SUCLG2: variants seen among roughly 807,000 people sequenced by gnomAD.
The protein encoded by SUCLG2 is succinate--CoA ligase [GDP-forming] subunit beta, mitochondrial.
Under a neutral mutation model 47.9 loss-of-function variants are expected in SUCLG2, and 42 were observed. The observed-to-expected ratio is 0.88, with a 90% CI of 0.69 to 1.14. The LOEUF (loss-of-function observed/expected upper bound fraction) is 1.14. SUCLG2 is among the 50% of genes most tolerant of loss of function. The pLI is 0.00. For synonymous variants in SUCLG2, 195 were observed against 197.3 expected (o/e 0.99, Z 0.10); for missense variants, 571 against 525.9 (o/e 1.09, Z -0.84).
intron 9 of SUCLG2, among the ~76,000 whole-genome samples, chr3:67,432,961 A>G (rs1431008395): frequency 6.6e-6 from 1 of 152,328 alleles, no homozygotes; most frequent in East Asian, 1.9e-4. Flanking sequence ...TTGAAGGAAT[A>G]ACTAATTTCT....
intron 1 of SUCLG2, among the ~76,000 whole-genome samples, chr3:67,631,095 G>C (rs1700917789): frequency 6.6e-6 from 1 of 152,148 alleles, no homozygotes; most frequent in Admixed American, 6.5e-5. Context: ...TCTTACAACA[G>C]CACTGAGAGT....
chr3:67,385,321 C>T (rs1702237114), intron 10 of SUCLG2, among the ~76,000 whole-genome samples: 1 of 152,224 alleles, frequency 6.6e-6, no homozygotes, highest in Non-Finnish European at 1.5e-5. Flanking sequence ...TGACCACTGC[C>T]TAGAGTGGGG....
At chr3:67,471,262 T>TGCC (rs1339795283) in intron 9 of SUCLG2, among the ~76,000 whole-genome samples, 1 of 152,180 alleles carries the variant, frequency 6.6e-6, no homozygotes, top group East Asian at 1.9e-4. Context: ...ATTATGAGGC[T>TGCC]GCCACACAAG....
intron 9 of SUCLG2, among the ~76,000 whole-genome samples, chr3:67,430,273 A>T (rs1703440121): frequency 6.6e-6 from 1 of 152,196 alleles, no homozygotes; most frequent in Non-Finnish European, 1.5e-5. Context: ...GTGCAATCAA[A>T]CTAGAACTCA....
chr3:67,626,009 T>A (rs1428308538), intron 1 of SUCLG2, among the ~76,000 whole-genome samples: 4 of 146,486 alleles, frequency 2.7e-5, no homozygotes, highest in African/African-American at 1.0e-4. Context: ...AGTAGCTACA[T>A]ATATATATAT....
intron 9 of SUCLG2, among the ~76,000 whole-genome samples, chr3:67,488,314 G>C (rs750706808): frequency 6.6e-6 from 1 of 152,064 alleles, no homozygotes; most frequent in African/African-American, 2.4e-5. Context: ...CATGTTGCTC[G>C]TTTAGGAATG....
chr3:67,416,087 T>C (rs2106847539), intron 9 of SUCLG2, among the ~76,000 whole-genome samples: 1 of 152,298 alleles, frequency 6.6e-6, no homozygotes, highest in South Asian at 2.1e-4. Context: ...CCCCAGTCAA[T>C]CAAGTCTTGA....
exon 11 of SUCLG2, chr3:67,360,674 G>A (rs1287439820): frequency 1.3e-6 from 2 of 1,521,476 alleles, no homozygotes; most frequent in East Asian, 2.5e-5. Context: ...GATTTTGGTG[G>A]GCGACGTTCT....
chr3:67,473,765 C>T (rs530535495), intron 9 of SUCLG2, among the ~76,000 whole-genome samples: 3 of 152,218 alleles, frequency 2.0e-5, no homozygotes, highest in South Asian at 2.1e-4. Context: ...CCAAGTGCAG[C>T]GATAAAGGTA....
intron 10 of SUCLG2, among the ~76,000 whole-genome samples, chr3:67,396,257 A>G (rs1289645740): frequency 6.6e-6 from 1 of 152,140 alleles, no homozygotes; most frequent in African/African-American, 2.4e-5. Flanking sequence ...AGGATCAACA[A>G]AATTGATAGA....
intron 9 of SUCLG2, among the ~76,000 whole-genome samples, chr3:67,440,886 A>G (rs1575697391): frequency 6.6e-6 from 1 of 152,300 alleles, no homozygotes; most frequent in East Asian, 1.9e-4. Flanking sequence ...GGGTATATAG[A>G]CAAAGGATTA....
intron 9 of SUCLG2, among the ~76,000 whole-genome samples, chr3:67,482,474 AT>A (rs67558621): frequency 0.75 from 114,579 of 151,934 alleles, 43,354 homozygotes; most frequent in Admixed American, 0.84. Flanking sequence ...ATACTTTTGT[AT>A]TTTTTTACTT....
chr3:67,394,125 C>G (rs1270920885), intron 10 of SUCLG2, among the ~76,000 whole-genome samples: 2 of 152,132 alleles, frequency 1.3e-5, no homozygotes, highest in Admixed American at 1.3e-4. Context: ...CTCTCCTCCT[C>G]CAAAGGAATG....
Position 67,495,794 on chromosome 3 carries a change from TTACC to T in SUCLG2, c.1062_1062+3del. Reference sequence around the variant, plus strand: ...TATAATCTCCCTACAAAGAGAAAGGTTACCTTAGGATCAGCTGTGAGCAATTTGA... The same window carrying T: ...TATAATCTCCCTACAAAGAGAAAGGTTTAGGATCAGCTGTGAGCAATTTGA... On this transcript the variant is annotated splice_donor_variant and splice_donor_region_variant and coding_sequence_variant and intron_variant, in exon 9 of 11. Transcript: ENST00000307227. LOFTEE classifies it high-confidence loss of function. The T allele has an allele frequency of 6.2e-7, 1 of 1,613,348 alleles. No homozygotes were observed. The highest frequency in any genetic ancestry group is 8.5e-7 in the Non-Finnish European group (1 of 1,179,910).
At chr3:67,376,025 T>G (rs1177854954) in intron 10 of SUCLG2, 166 bp from the exon 11 acceptor site, 3 of 985,324 alleles carry the variant, frequency 3.0e-6, no homozygotes, top group Non-Finnish European at 3.6e-6. Context: ...GTGATGAAAT[T>G]TATCTCAAGC....
intron 9 of SUCLG2, among the ~76,000 whole-genome samples, chr3:67,456,477 T>C (rs975844545): frequency 6.6e-6 from 1 of 152,122 alleles, no homozygotes; most frequent in African/African-American, 2.4e-5. Flanking sequence ...GAATTGAATA[T>C]AGATAGTAAA....
intron 2 of SUCLG2, among the ~76,000 whole-genome samples, chr3:67,591,681 A>G (rs958495236): frequency 1.3e-5 from 2 of 152,170 alleles, no homozygotes; most frequent in East Asian, 3.8e-4. Context: ...TGTAAGTCCA[A>G]TTAAATCTTT....
chr3:67,396,588 G>C (rs1315253512), intron 10 of SUCLG2, among the ~76,000 whole-genome samples: 1 of 152,088 alleles, frequency 6.6e-6, no homozygotes, highest in African/African-American at 2.4e-5. Context: ...AATTCTACCA[G>C]AGGTACAAGG....
Position 67,424,318 on chromosome 3 carries a change from G to A in SUCLG2, c.1063-23467C>T, listed in dbSNP as rs536529266. On this transcript the variant is annotated intron_variant, in intron 9 of 10. Coordinates refer to ENST00000307227, the MANE Select transcript of SUCLG2 (RefSeq NM_003848.4). Reference sequence around the variant, plus strand: ...AATTTACCACTTTCTCTCACAAACCGGATTATCTTTTTGACATCTCTATTT... The same window carrying A: ...AATTTACCACTTTCTCTCACAAACCAGATTATCTTTTTGACATCTCTATTT... Among the ~76,000 whole-genome samples, 73 of 152,222 alleles carry A rather than the reference G, an allele frequency of 4.8e-4. No homozygotes were observed. In the South Asian group the frequency reaches 5.0e-3, roughly 10 times the overall value.
Sources: allele counts gnomAD v4.1 joint callset (sites outside exome capture counted in the v4.1 genomes callset), GRCh38; gene constraint gnomAD v4.1.1; transcripts MANE v1.5; gene names NCBI Gene and HGNC (gene_info 2026-07-23, HGNC 2026-07-21).